Variants in ANK2 observed in about 807,000 individuals in gnomAD.
ANK2 encodes the protein ankyrin 2.
ANK2 carries 83 observed loss-of-function variants against 360.5 expected under a neutral mutation model. That is an observed-to-expected ratio of 0.23 (90% CI 0.19 to 0.28). The LOEUF is 0.28. Among genes scored for constraint, ANK2 ranks in the 10% least tolerant of loss-of-function variants. ANK2 has a pLI of 1.00. For missense variants in ANK2, 4,201 were observed against 4,795.7 expected (o/e 0.88, Z 3.66); for synonymous variants, 1,740 against 1,759.5 (o/e 0.99, Z 0.28).
At chr4:112,797,398 G>C in the ANK2 span, 14,802 of 152,968 alleles carry the variant, frequency 0.097, 910 homozygotes, top group Middle Eastern at 0.14. Flanking sequence ...GCACCTGCCC[G>C]GCCATTCTAT....
intron 1 of ANK2, among the ~76,000 whole-genome samples, chr4:113,052,775 C>T (rs568192434): frequency 5.4e-4 from 82 of 152,158 alleles, no homozygotes; most frequent in Middle Eastern, 6.8e-3. Flanking sequence ...CATGGGGAAC[C>T]GTGGGGGCAT....
chr4:113,138,446 A>C (rs2096524212), intron 1 of ANK2, among the ~76,000 whole-genome samples: 1 of 152,214 alleles, frequency 6.6e-6, no homozygotes, highest in Admixed American at 6.5e-5. Context: ...TATCCTCATA[A>C]TAAATCAGGT....
At chr4:113,235,115 T>A (rs577326405) in intron 5 of ANK2, among the ~76,000 whole-genome samples, 22 of 152,322 alleles carry the variant, frequency 1.4e-4, no homozygotes, top group African/African-American at 5.1e-4. Context: ...TGTGAGCAAA[T>A]GCCTCATCTC....
chr4:113,342,031 T>C, intron 33 of ANK2, 115 bp downstream of exon 33: 3 of 1,166,456 alleles, frequency 2.6e-6, no homozygotes, highest in African/African-American at 1.5e-5. Context: ...AAAGACAAGT[T>C]CGCATTTTGG....
At chr4:112,817,170 A>G (rs2055729088), upstream of ANK2, among the ~76,000 whole-genome samples, 1 of 152,228 alleles carries the variant, frequency 6.6e-6, no homozygotes, top group Admixed American at 6.5e-5. Context: ...TACATGTGTT[A>G]CCATTTATCC....
At chr4:112,746,524 G>A in the ANK2 span, among the ~76,000 whole-genome samples, 115 of 136,096 alleles carry the variant, frequency 8.4e-4, no homozygotes, top group African/African-American at 3.0e-3. Flanking sequence ...AAAAAAAAAA[G>A]AGAAAAAGAA....
chr4:112,726,495 C>G, the ANK2 span, among the ~76,000 whole-genome samples: 1 of 152,046 alleles, frequency 6.6e-6, no homozygotes, highest in Non-Finnish European at 1.5e-5. Context: ...TTCCCACCCC[C>G]ACCTTGCCAT....
At chr4:112,769,865 T>C in the ANK2 span, among the ~76,000 whole-genome samples, 1 of 152,164 alleles carries the variant, frequency 6.6e-6, no homozygotes, top group Non-Finnish European at 1.5e-5. Context: ...ATCAGTTGTC[T>C]TCTGCCCTTA....
At chr4:113,181,227 T>A (rs1356377761) in intron 2 of ANK2, among the ~76,000 whole-genome samples, 1 of 152,204 alleles carries the variant, frequency 6.6e-6, no homozygotes, top group African/African-American at 2.4e-5. Flanking sequence ...TCTATGACTG[T>A]CTTATTAAGT....
chr4:112,834,491 A>C (rs1422360042), intron 1 of ANK2, among the ~76,000 whole-genome samples: 1 of 152,190 alleles, frequency 6.6e-6, no homozygotes, highest in Non-Finnish European at 1.5e-5. Context: ...ATAATAAGAA[A>C]TATATTTGCC....
intron 2 of ANK2, among the ~76,000 whole-genome samples, chr4:113,041,402 G>T (rs939288534): frequency 2.0e-5 from 3 of 152,048 alleles, no homozygotes; most frequent in Non-Finnish European, 4.4e-5. Flanking sequence ...GCTGGGTGTG[G>T]CTTCTCAAAT....
At chr4:112,744,349 A>AAT in the ANK2 span, among the ~76,000 whole-genome samples, 1 of 140,132 alleles carries the variant, frequency 7.1e-6, no homozygotes, top group Admixed American at 7.3e-5. Context: ...TTAGGATATG[A>AAT]TTTTTTTTTT....
chr4:113,232,157 T>A lies in ANK2; in HGVS notation c.385-4T>A. Reference sequence around the variant, plus strand: ...AGGTGTCTTTTTTTATTGCTTGTCCTCAGAATGGCTTTACTCCTTTATACA... The same window carrying A: ...AGGTGTCTTTTTTTATTGCTTGTCCACAGAATGGCTTTACTCCTTTATACA... On this transcript the variant is annotated splice_region_variant and splice_polypyrimidine_tract_variant and intron_variant, in intron 4 of 45. Coordinates refer to ENST00000357077, the MANE Select transcript of ANK2 (RefSeq NM_001148.6). The A allele has an allele frequency of 6.4e-7, 1 of 1,565,516 alleles. No homozygotes were observed. Among genetic ancestry groups the A allele is most frequent in the Non-Finnish European group, 8.8e-7 (1 of 1,135,974 alleles).
intron 2 of ANK2, among the ~76,000 whole-genome samples, chr4:112,936,296 A>G (rs2093708061): frequency 6.6e-6 from 1 of 152,140 alleles, no homozygotes; most frequent in Admixed American, 6.5e-5. Context: ...AACACTAATA[A>G]TTAATATGTA....
chr4:113,355,165 A>G lies in ANK2; in HGVS notation c.6547A>G (p.Met2183Val), dbSNP rs773708100. 3 of 1,614,148 alleles carry G rather than the reference A, an allele frequency of 1.9e-6. No individual in the cohort carries two copies. Among genetic ancestry groups the G allele is most frequent in the Non-Finnish European group, 2.5e-6 (3 of 1,179,970 alleles). ...CAACACAACATTTCCACTCGACTAC[A>G]TGAAAGATGAGTTCCTTCCAGCTCT... ...PFNTTFPLDY[M>V]KDEFLPALSL... Residue 2183 changes from methionine (M) to valine (V), a missense_variant, in exon 38 of 46, where the codon ATG (methionine) becomes GTG (valine). Physicochemically the swap from Met to Val is conservative, Grantham distance 21 (BLOSUM62 1). Around this residue, in one of 4 missense-constraint regions of ANK2, gnomAD observed 2,642 missense variants for 2,714.5 expected, o/e 0.97. Coordinates refer to ENST00000357077, the MANE Select transcript of ANK2 (RefSeq NM_001148.6).
At chr4:113,168,935 C>G (rs1448705303) in intron 1 of ANK2, among the ~76,000 whole-genome samples, 1 of 152,190 alleles carries the variant, frequency 6.6e-6, no homozygotes. Flanking sequence ...AGACCACACC[C>G]AGTTCTGGTT....
intron 13 of ANK2, among the ~76,000 whole-genome samples, chr4:113,263,187 GAAA>G (rs762758720): frequency 1.6e-5 from 1 of 63,626 alleles, no homozygotes; most frequent in Non-Finnish European, 3.1e-5. Flanking sequence ...GACTCTGTCT[GAAA>G]AAAAAAAAAA....
At chr4:112,987,104 C>T (rs2045164547) in intron 2 of ANK2, among the ~76,000 whole-genome samples, 1 of 152,194 alleles carries the variant, frequency 6.6e-6, no homozygotes, top group Non-Finnish European at 1.5e-5. Context: ...CATTCAAAGC[C>T]ATCCTGGGCT....
chr4:112,742,455 G>A, the ANK2 span, among the ~76,000 whole-genome samples: 1 of 151,854 alleles, frequency 6.6e-6, no homozygotes, highest in African/African-American at 2.4e-5. Flanking sequence ...GGTGAGTGGA[G>A]ACACACCCTA....
Sources: gnomAD v4.1 joint callset for allele counts (sites outside exome capture counted in the v4.1 genomes callset) on GRCh38, gnomAD v4.1.1 for gene constraint, gnomAD v4.1.1 regional missense constraint, MANE v1.5 for transcripts, NCBI Gene and HGNC (gene_info 2026-07-23, HGNC 2026-07-21) for gene names.